Variants in CACNB2 observed in about 807,000 individuals in gnomAD.
CACNB2 encodes voltage-dependent L-type calcium channel subunit beta-2.
A neutral mutation model predicts 73.3 loss-of-function variants in CACNB2; 42 were observed. The observed-to-expected ratio is 0.57, with a 90% CI of 0.45 to 0.74. CACNB2 has a LOEUF of 0.74. CACNB2 is among the 30% of genes least tolerant of loss of function. The pLI is 0.00. For missense variants in CACNB2, 940 were observed against 853.0 expected, an observed-to-expected ratio of 1.10 and a Z score of -1.27; for synonymous variants, 348 against 310.3, an observed-to-expected ratio of 1.12 and a Z score of -1.28.
chr10:18,289,668 T>C (rs1041769534), intron 2 of CACNB2, among the ~76,000 whole-genome samples: 2 of 152,096 alleles, frequency 1.3e-5, no homozygotes, highest in African/African-American at 4.8e-5. Context: ...CAGCAAATGG[T>C]AGCTATTATA....
At chr10:18,232,100 A>G (rs1188693056) in intron 2 of CACNB2, among the ~76,000 whole-genome samples, 6 of 152,224 alleles carry the variant, frequency 3.9e-5, no homozygotes, top group Admixed American at 3.9e-4. Flanking sequence ...GGTAACAATG[A>G]TACATACTTT....
chr10:18,372,543 A>T (rs2132302466), intron 2 of CACNB2, among the ~76,000 whole-genome samples: 1 of 152,142 alleles, frequency 6.6e-6, no homozygotes, highest in African/African-American at 2.4e-5. Context: ...AGTAACTGGG[A>T]TTACAGATGT....
chr10:18,539,928 C>T lies in CACNB2; in HGVS notation c.*204C>T, dbSNP rs1206595981. 5.0e-6 allele frequency: 3 copies of T among 595,856 alleles called. No homozygotes were observed. The highest frequency in any genetic ancestry group is 3.7e-5 in the African/African-American group (2 of 53,768). The allele number at this position is 595,856 out of a possible 1,614,324, so 36.9% of individuals were successfully genotyped here. On this transcript the variant is annotated 3_prime_UTR_variant, in exon 14 of 14. Coordinates refer to ENST00000324631, the MANE Select transcript of CACNB2 (RefSeq NM_201596.3). The stretch of plus-strand genomic sequence containing the variant: ...CTTTTGTAAGTGCTACATAAATTGG[C>T]CTGGTATGGCTGCAGTCCTCCGGTT...
chr10:18,461,065 G>A (rs1244878662), intron 3 of CACNB2, among the ~76,000 whole-genome samples: 1 of 152,030 alleles, frequency 6.6e-6, no homozygotes, highest in African/African-American at 2.4e-5. Flanking sequence ...GAGTAGCTGG[G>A]ATTACAGTCA....
chr10:18,174,324 C>T (rs372859689), intron 2 of CACNB2, among the ~76,000 whole-genome samples: 2 of 146,770 alleles, frequency 1.4e-5, no homozygotes, highest in Non-Finnish European at 3.0e-5. Context: ...TCCCTCCCCC[C>T]TCTTTTCTTT....
chr10:18,402,356 T>G (rs1379532596), intron 3 of CACNB2, among the ~76,000 whole-genome samples: 2 of 149,712 alleles, frequency 1.3e-5, no homozygotes, highest in African/African-American at 5.0e-5. Flanking sequence ...CAACATGTTT[T>G]ACTTCATTTC....
rs571199065 is a variant in CACNB2 at position 18,149,798 on chromosome 10, A to G, written c.121-1085A>G. ...ACGCTTTAGTCCAGTTTGTTTCCAC[A>G]TCTTCCAACCCCTGTATAGGTATCA... On this transcript the variant is annotated intron_variant, in intron 1 of 13. Coordinates refer to ENST00000324631, the MANE Select transcript of CACNB2 (RefSeq NM_201596.3). Among the ~76,000 whole-genome samples the G allele has an allele frequency of 1.1e-4, 16 of 152,334 alleles. 1 individual carries two copies. The East Asian group carries it at 3.1e-3, about 29-fold the overall frequency.
intron 9 of CACNB2, among the ~76,000 whole-genome samples, chr10:18,522,465 C>G (rs1456977704): frequency 6.6e-6 from 1 of 152,102 alleles, no homozygotes; most frequent in Non-Finnish European, 1.5e-5. Context: ...AGATTTCTTA[C>G]TATAGTACTT....
intron 2 of CACNB2, among the ~76,000 whole-genome samples, chr10:18,176,688 C>T (rs1017329795): frequency 3.3e-5 from 5 of 150,328 alleles, no homozygotes; most frequent in Non-Finnish European, 7.4e-5. Context: ...TGGAGGTTAG[C>T]ATTTACAGGG....
intron 3 of CACNB2, among the ~76,000 whole-genome samples, chr10:18,444,662 C>T (rs1233363661): frequency 1.3e-5 from 2 of 152,146 alleles, no homozygotes; most frequent in Admixed American, 6.5e-5. Flanking sequence ...CGAGTGAGTT[C>T]ACTTAATCCG....
intron 2 of CACNB2, among the ~76,000 whole-genome samples, chr10:18,244,824 T>G (rs1482499611): frequency 1.3e-5 from 2 of 152,238 alleles, no homozygotes; most frequent in Non-Finnish European, 2.9e-5. Flanking sequence ...TTAAAGATCT[T>G]GAGCTAGGAA....
At chr10:18,360,746 T>C (rs2042108823) in intron 2 of CACNB2, among the ~76,000 whole-genome samples, 1 of 152,220 alleles carries the variant, frequency 6.6e-6, no homozygotes, top group African/African-American at 2.4e-5. Context: ...GACGACTTGC[T>C]GGCTGTATAT....
intron 2 of CACNB2, among the ~76,000 whole-genome samples, chr10:18,223,814 C>T (rs2035883485): frequency 6.6e-6 from 1 of 152,024 alleles, no homozygotes; most frequent in Non-Finnish European, 1.5e-5. Flanking sequence ...AATCCTATTG[C>T]AGAAATTTTA....
chr10:18,220,239 A>AGTGGGGGG (rs1291259522), intron 2 of CACNB2, among the ~76,000 whole-genome samples: 2 of 69,436 alleles, frequency 2.9e-5, no homozygotes, highest in Admixed American at 1.4e-4. Flanking sequence ...ATATAGAGAG[A>AGTGGGGGG]GAGAGAGAGA....
At chr10:18,167,078 C>A (rs867270337) in intron 2 of CACNB2, among the ~76,000 whole-genome samples, 1 of 152,270 alleles carries the variant, frequency 6.6e-6, no homozygotes, top group African/African-American at 2.4e-5. Context: ...GCACCCTGTT[C>A]TTCAAGGTGA....
At chr10:18,290,664 G>A (rs1049682800) in intron 2 of CACNB2, among the ~76,000 whole-genome samples, 2 of 152,234 alleles carry the variant, frequency 1.3e-5, no homozygotes, top group Admixed American at 6.5e-5. Context: ...GTGGCCAAAT[G>A]TTTTCTTGGT....
intron 10 of CACNB2, among the ~76,000 whole-genome samples, chr10:18,531,067 G>A (rs186945146): frequency 1.2e-4 from 18 of 152,210 alleles, no homozygotes; most frequent in Non-Finnish European, 2.1e-4. Flanking sequence ...TATGAAAATG[G>A]CATTGGAATT....
intron 7 of CACNB2, among the ~76,000 whole-genome samples, chr10:18,516,631 T>C (rs2051308768): frequency 6.6e-6 from 1 of 152,274 alleles, no homozygotes; most frequent in African/African-American, 2.4e-5. Context: ...AATATGCTTA[T>C]GATGCCTTCG....
intron 2 of CACNB2, among the ~76,000 whole-genome samples, chr10:18,309,078 A>C (rs1246551451): frequency 6.6e-6 from 1 of 152,208 alleles, no homozygotes; most frequent in Non-Finnish European, 1.5e-5. Flanking sequence ...TTTTCACTAA[A>C]ATGAATATTG....
Sources: gnomAD v4.1 joint callset for allele counts (sites outside exome capture counted in the v4.1 genomes callset) on GRCh38, gnomAD v4.1.1 for gene constraint, MANE v1.5 for transcripts, NCBI Gene and HGNC (gene_info 2026-07-23, HGNC 2026-07-21) for gene names.